SLC8A1: variants seen among roughly 807,000 people sequenced by gnomAD.
The protein encoded by SLC8A1 is sodium/calcium exchanger 1.
In SLC8A1, 18 loss-of-function variants were observed where a neutral mutation model predicts 68.3. That is an observed-to-expected ratio of 0.26 (90% CI 0.18 to 0.39). SLC8A1 has a LOEUF of 0.39. Among genes scored for constraint, SLC8A1 ranks in the 10% least tolerant of loss-of-function variants. The pLI is 1.00. For missense variants in SLC8A1, 985 were observed against 1,156.7 expected (o/e 0.85, Z 2.15); for synonymous variants, 475 against 415.5 (o/e 1.14, Z -1.74).
chr2:40,412,418 A>G (rs969659657), intron 2 of SLC8A1, among the ~76,000 whole-genome samples: 15 of 152,180 alleles, frequency 9.9e-5, no homozygotes, highest in Admixed American at 9.8e-4. Context: ...CATTTATGGT[A>G]TATTAGGCAC....
intron 2 of SLC8A1, among the ~76,000 whole-genome samples, chr2:40,238,205 T>A (rs1392950268): frequency 6.6e-6 from 1 of 151,900 alleles, no homozygotes; most frequent in African/African-American, 2.4e-5. Flanking sequence ...TCCCCCAGCC[T>A]CGCTGCCGCC....
chr2:40,135,313 T>C (rs559031620), intron 7 of SLC8A1, among the ~76,000 whole-genome samples: 91 of 152,240 alleles, frequency 6.0e-4, no homozygotes, highest in African/African-American at 2.0e-3. Context: ...GGGAGACAGA[T>C]AGGAGGCTAC....
At chr2:40,414,631 A>G (rs1055950703) in intron 2 of SLC8A1, among the ~76,000 whole-genome samples, 15 of 152,284 alleles carry the variant, frequency 9.9e-5, no homozygotes, top group African/African-American at 3.6e-4. Flanking sequence ...GTCATGTTTA[A>G]ATGAGGACTT....
At chr2:40,195,937 G>A (rs1268529139) in intron 2 of SLC8A1, 1 of 152,016 alleles carries the variant, frequency 6.6e-6, no homozygotes, top group East Asian at 1.9e-4. Flanking sequence ...ACTGGTAAGA[G>A]TGTAAAAGAG....
intron 1 of SLC8A1, among the ~76,000 whole-genome samples, chr2:40,448,063 A>G (rs1701772288): frequency 6.6e-6 from 1 of 152,266 alleles, no homozygotes; most frequent in Non-Finnish European, 1.5e-5. Context: ...AAGAGAACTT[A>G]CAAAAATCAC....
intron 2 of SLC8A1, among the ~76,000 whole-genome samples, chr2:40,282,002 T>C (rs1456954808): frequency 6.6e-6 from 1 of 152,180 alleles, no homozygotes; most frequent in Non-Finnish European, 1.5e-5. Flanking sequence ...TAACAGTGGA[T>C]TAGCTACTGG....
chr2:40,330,125 G>C (rs563959516), intron 2 of SLC8A1, among the ~76,000 whole-genome samples: 4 of 152,254 alleles, frequency 2.6e-5, no homozygotes, highest in Non-Finnish European at 2.9e-5. Context: ...TTTTTGAATG[G>C]ACTATCCTAC....
intron 2 of SLC8A1, chr2:40,254,664 A>G (rs1371446925): frequency 6.6e-6 from 1 of 152,208 alleles, no homozygotes; most frequent in Non-Finnish European, 1.5e-5. Context: ...CTCCAAGGTA[A>G]TGCCACTCTA....
chr2:40,246,142 A>T (rs548896134), intron 2 of SLC8A1, among the ~76,000 whole-genome samples: 2 of 152,328 alleles, frequency 1.3e-5, no homozygotes, highest in Non-Finnish European at 2.9e-5. Flanking sequence ...AACTGTGCAC[A>T]TAGAAGATGA....
chr2:40,445,100 TA>T (rs1362084549), intron 1 of SLC8A1, among the ~76,000 whole-genome samples: 1 of 152,210 alleles, frequency 6.6e-6, no homozygotes, highest in Admixed American at 6.5e-5. Context: ...AATATTTTAC[TA>T]ATATTAATTT....
intron 6 of SLC8A1, among the ~76,000 whole-genome samples, chr2:40,144,530 A>AT (rs1443079196): frequency 6.6e-6 from 1 of 151,920 alleles, no homozygotes; most frequent in East Asian, 1.9e-4. Flanking sequence ...TTGAGTCGGA[A>AT]TTTTTTTAAT....
intron 2 of SLC8A1, among the ~76,000 whole-genome samples, chr2:40,424,642 G>A (rs965717511): frequency 6.6e-6 from 1 of 151,764 alleles, no homozygotes; most frequent in Non-Finnish European, 1.5e-5. Context: ...GGGTAGGCCC[G>A]TTGTTTAATA....
rs1285046005 is a variant in SLC8A1 at position 40,415,905 on chromosome 2, CACACACAT to C, written c.1808+12560_1808+12567del. 8.5e-4 allele frequency among the ~76,000 whole-genome samples: 119 copies of C among 140,410 alleles called. 1 individual carries two copies. Among genetic ancestry groups the C allele is most frequent in the African/African-American group, 3.1e-3 (114 of 36,360 alleles). 92.1% of individuals were successfully genotyped at this position (140,410 alleles called of 152,430 possible). A position where few individuals can be genotyped will look rare whatever the true frequency, so the allele number is the denominator to read the frequency against. The stretch of plus-strand genomic sequence containing the variant: ...ACACACACACACACACACACACACA[CACACACAT>C]TAGCTGGGCGTGGTGGCAGGTGTCT... On this transcript the variant is annotated intron_variant, in intron 2 of 7. Transcript: ENST00000406785.
intron 1 of SLC8A1, among the ~76,000 whole-genome samples, chr2:40,464,845 G>C (rs1166389014): frequency 6.6e-6 from 1 of 152,180 alleles, no homozygotes; most frequent in Non-Finnish European, 1.5e-5. Context: ...GCTGAGTAAA[G>C]AGTCCATCTC....
chr2:40,219,034 T>TCTACCTGCAACCCTTGATTGGTCTC (rs11268044), intron 2 of SLC8A1, among the ~76,000 whole-genome samples: 7 of 151,732 alleles, frequency 4.6e-5, no homozygotes, highest in Admixed American at 2.0e-4. Flanking sequence ...AAATCCTATT[T>TCTACCTGCAACCCTTGATTGGTCTC]CTTGGTCTGA....
chr2:40,226,414 G>T (rs910397265), intron 2 of SLC8A1, among the ~76,000 whole-genome samples: 3 of 152,118 alleles, frequency 2.0e-5, no homozygotes, highest in African/African-American at 7.2e-5. Context: ...ATGAAGGCTT[G>T]GAAATGTATA....
At chr2:40,108,386 A>C (rs1198365015) in exon 8 of SLC8A1, 1 of 152,182 alleles carries the variant, frequency 6.6e-6, no homozygotes, top group Non-Finnish European at 1.5e-5. Flanking sequence ...GTTTCTGGAA[A>C]CTGGGATTTA....
At chr2:40,421,533 C>T (rs1370480255) in intron 2 of SLC8A1, among the ~76,000 whole-genome samples, 1 of 152,116 alleles carries the variant, frequency 6.6e-6, no homozygotes, top group Non-Finnish European at 1.5e-5. Flanking sequence ...TGGAAAATAT[C>T]TTAGGGTATT....
chr2:40,325,355 A>C (rs958262775), intron 2 of SLC8A1, among the ~76,000 whole-genome samples: 3 of 152,176 alleles, frequency 2.0e-5, no homozygotes, highest in African/African-American at 7.2e-5. Context: ...AAAAAGTCCC[A>C]GCCTGGCCCA....
Sources: allele counts gnomAD v4.1 joint callset (sites outside exome capture counted in the v4.1 genomes callset), GRCh38; gene constraint gnomAD v4.1.1; transcripts MANE v1.5; gene names NCBI Gene and HGNC (gene_info 2026-07-23, HGNC 2026-07-21).